SFXN5: variants seen among roughly 807,000 people sequenced by gnomAD.
SFXN5 encodes the protein sideroflexin-5.
Under a neutral mutation model 50.2 loss-of-function variants are expected in SFXN5, and 43 were observed. The ratio of observed to expected loss-of-function variants is 0.86; its 90% CI spans 0.67 to 1.11. The LOEUF (loss-of-function observed/expected upper bound fraction) is 1.11. Ranked by LOEUF, SFXN5 falls within the 50% of genes least tolerant of loss-of-function variation. SFXN5 has a pLI of 0.00. For missense variants in SFXN5, 463 were observed against 454.1 expected (o/e 1.02, Z -0.18); for synonymous variants, 203 against 185.8 (o/e 1.09, Z -0.75).
At chr2:73,047,245 A>AATATATATATATAT (rs1167103035) in intron 2 of SFXN5, among the ~76,000 whole-genome samples, 1 of 18,920 alleles carries the variant, frequency 5.3e-5, no homozygotes. Flanking sequence ...AAAAAAAAAA[A>AATATATATATATAT]ATATATATAT....
Position 72,971,661 on chromosome 2 carries a change from A to G in SFXN5, c.650T>C (p.Val217Ala). 6.2e-7 allele frequency: 1 copy of G among 1,613,944 alleles called. No homozygotes were observed. ...CTCCAGCTCCCCGTACCGCATCAGG[A>G]CCACATTGCAGATATTGGCACTGGC... ...AVASANICNV[V>A]LMRYGELEEG... Residue 217 changes from valine to alanine, a missense_variant, in exon 11 of 14, where the codon GTC becomes GCC. By Grantham distance (64) the Val-to-Ala change is moderately conservative (BLOSUM62 0). Coordinates refer to ENST00000272433, the MANE Select transcript of SFXN5 (RefSeq NM_144579.3).
At chr2:73,047,389 ATG>A (rs1225927526) in intron 2 of SFXN5, among the ~76,000 whole-genome samples, 6 of 145,598 alleles carry the variant, frequency 4.1e-5, no homozygotes, top group Non-Finnish European at 4.5e-5. Context: ...ATACATGTAT[ATG>A]TGTGTGTGTG....
intron 13 of SFXN5, among the ~76,000 whole-genome samples, chr2:72,957,271 G>A (rs980032567): frequency 1.3e-5 from 2 of 152,144 alleles, no homozygotes; most frequent in Admixed American, 1.3e-4. Context: ...AATACAGTAA[G>A]GTACACCGAG....
At chr2:72,998,152 G>A (rs1673468420) in intron 9 of SFXN5, 1 of 152,136 alleles carries the variant, frequency 6.6e-6, no homozygotes, top group East Asian at 1.9e-4. Flanking sequence ...ACAGAGTTGT[G>A]AAGGGGCCCT....
chr2:73,004,309 G>GCACACACACA (rs1491479338), intron 6 of SFXN5, among the ~76,000 whole-genome samples: 9 of 89,514 alleles, frequency 1.0e-4, no homozygotes, highest in African/African-American at 5.1e-4. Flanking sequence ...AGGAATGAGT[G>GCACACACACA]CGCGCGCACA....
At position 72,960,355 on chromosome 2, in the gene SFXN5, T is replaced by C. The variant is rs1673580241; in HGVS notation, c.945+776A>G. Reference sequence around the variant, plus strand: ...CCAGTGCACATCCTCTGGCTCCCGTTCCCTCCCACCACATACAGCTCTTCA... The same window carrying C: ...CCAGTGCACATCCTCTGGCTCCCGTCCCCTCCCACCACATACAGCTCTTCA... On this transcript the variant is annotated intron_variant, in intron 13 of 13. Coordinates refer to ENST00000272433, the MANE Select transcript of SFXN5 (RefSeq NM_144579.3). This position sits in a 1 kb window ranked among gnomAD's most constrained non-coding sequence, Gnocchi z 6.1. 6.6e-6 allele frequency among the ~76,000 whole-genome samples: 1 copy of C among 151,868 alleles called. No homozygotes were observed. Among genetic ancestry groups the C allele is most frequent in the South Asian group, 2.1e-4 (1 of 4,810 alleles).
rs1671637765 is a variant in SFXN5 at position 72,943,541 on chromosome 2, A to G, written c.*1481T>C. The G allele has an allele frequency of 6.5e-6, 1 of 152,938 alleles. No homozygotes were observed. The highest frequency in any genetic ancestry group is 2.1e-4 in the South Asian group (1 of 4,836). 9.5% of individuals were successfully genotyped at this position (152,938 alleles called of 1,614,324 possible). ...AGCTTGCTCTTCCTTCCTGGTCTGCAAATGGGAGGGAGATGGGAGCCAGCA... is the reference window on the plus strand; with the variant it reads ...AGCTTGCTCTTCCTTCCTGGTCTGCGAATGGGAGGGAGATGGGAGCCAGCA... On this transcript the variant is annotated 3_prime_UTR_variant, in exon 14 of 14. Coordinates refer to ENST00000272433, the MANE Select transcript of SFXN5 (RefSeq NM_144579.3).
intron 11 of SFXN5, among the ~76,000 whole-genome samples, chr2:72,969,434 G>T (rs980186215): frequency 1.3e-5 from 2 of 151,644 alleles, no homozygotes; most frequent in Admixed American, 6.6e-5. Flanking sequence ...TTGCTCTGTT[G>T]CCCAGGCTGG....
At chr2:73,059,357 A>G in intron 1 of SFXN5, 2 of 985,412 alleles carry the variant, frequency 2.0e-6, no homozygotes, top group Non-Finnish European at 2.4e-6. Context: ...GGGAAGCTGC[A>G]ATCGCTGGGG....
At chr2:72,968,770 CCT>C (rs375532594) in intron 11 of SFXN5, among the ~76,000 whole-genome samples, 5 of 151,026 alleles carry the variant, frequency 3.3e-5, no homozygotes, top group African/African-American at 4.9e-5. Context: ...TTTTTTCTTT[CCT>C]CTCTCTTTCT....
intron 8 of SFXN5, among the ~76,000 whole-genome samples, chr2:72,999,947 G>T (rs983848978): frequency 6.6e-6 from 1 of 152,056 alleles, no homozygotes; most frequent in Non-Finnish European, 1.5e-5. Flanking sequence ...AGGGGCTCTG[G>T]GGGGGAGTTA....
At chr2:72,981,482 T>C (rs144557173) in intron 10 of SFXN5, among the ~76,000 whole-genome samples, 4 of 152,304 alleles carry the variant, frequency 2.6e-5, no homozygotes, top group Middle Eastern at 3.4e-3. Flanking sequence ...GATGGATCTT[T>C]TTAGATCCTG....
At chr2:73,048,622 T>C (rs536055384) in intron 2 of SFXN5, among the ~76,000 whole-genome samples, 2 of 152,366 alleles carry the variant, frequency 1.3e-5, no homozygotes, top group South Asian at 4.1e-4. Flanking sequence ...TTTATATGTC[T>C]TCCAGTATTT....
intron 3 of SFXN5, among the ~76,000 whole-genome samples, chr2:73,024,067 G>T (rs910374196): frequency 1.3e-5 from 2 of 151,748 alleles, no homozygotes; most frequent in Non-Finnish European, 2.9e-5. Flanking sequence ...TCATTTTACA[G>T]ATGTGATAAA....
At chr2:73,047,245 A>G in intron 2 of SFXN5, among the ~76,000 whole-genome samples, 1 of 18,922 alleles carries the variant, frequency 5.3e-5, no homozygotes, top group African/African-American at 1.6e-4. Flanking sequence ...AAAAAAAAAA[A>G]ATATATATAT....
At chr2:73,063,107 G>A (rs1682938675) in intron 1 of SFXN5, among the ~76,000 whole-genome samples, 1 of 152,188 alleles carries the variant, frequency 6.6e-6, no homozygotes, top group South Asian at 2.1e-4. Context: ...ATAGGGACAG[G>A]AAGAAGCATA....
chr2:72,964,122 A>AGGC (rs1674090343), intron 12 of SFXN5, among the ~76,000 whole-genome samples: 1 of 152,246 alleles, frequency 6.6e-6, no homozygotes, highest in Non-Finnish European at 1.5e-5. Context: ...CCGAGGCCAG[A>AGGC]GGCGAAGCAA....
intron 5 of SFXN5, among the ~76,000 whole-genome samples, chr2:73,021,984 T>C (rs1228886850): frequency 1.3e-5 from 2 of 152,174 alleles, no homozygotes; most frequent in Non-Finnish European, 2.9e-5. Context: ...CCTCCTGGTC[T>C]CCACAGAACA....
chr2:73,008,966 A>G (rs1385788082), intron 6 of SFXN5, among the ~76,000 whole-genome samples: 1 of 152,092 alleles, frequency 6.6e-6, no homozygotes, highest in East Asian at 1.9e-4. Context: ...CTCCCGGGCA[A>G]AGTGGAAACA....
Sources: gnomAD v4.1 joint callset for allele counts (sites outside exome capture counted in the v4.1 genomes callset) on GRCh38, gnomAD v4.1.1 for gene constraint, Gnocchi (gnomAD v3.1) non-coding constraint, MANE v1.5 for transcripts, NCBI Gene and HGNC (gene_info 2026-07-23, HGNC 2026-07-21) for gene names.